PLAGL1: variants seen among roughly 807,000 people sequenced by gnomAD.
PLAGL1 encodes the protein zinc finger protein PLAGL1.
A neutral mutation model predicts 4.6 loss-of-function variants in PLAGL1; 1 was observed. That is an observed-to-expected ratio of 0.22 (90% CI 0.08 to 1.03). The LOEUF is 1.03. Ranked by LOEUF, PLAGL1 falls within the 50% of genes least tolerant of loss-of-function variation. The pLI is 0.58. For missense variants in PLAGL1, 464 were observed against 570.4 expected (o/e 0.81, Z 1.90); for synonymous variants, 240 against 237.8 (o/e 1.01, Z -0.08).
In PLAGL1 at chr6:143,978,341, C is replaced by G. The variant is rs1412373010; in HGVS notation, c.-544+6794G>C. ...TACAAATTTTGAAGCACTGTTTCAG[C>G]TGTATCCCACATGGTTTCATAAACT... On this transcript the variant is annotated intron_variant, in intron 2 of 7. Transcript: ENST00000674357. The surrounding 1 kb of genome is among the most constrained non-coding windows in gnomAD (Gnocchi z 4.6). Among the ~76,000 whole-genome samples the G allele has an allele frequency of 1.3e-5, 2 of 152,116 alleles. No homozygotes were observed. Among genetic ancestry groups the G allele is most frequent in the Non-Finnish European group, 2.9e-5 (2 of 67,994 alleles).
chr6:144,007,133 A>T (rs776174915), intron 1 of PLAGL1: 1 of 152,264 alleles, frequency 6.6e-6, no homozygotes, highest in Non-Finnish European at 1.5e-5. Flanking sequence ...ATCTAAGCGC[A>T]TATAAATTTA....
intron 2 of PLAGL1, among the ~76,000 whole-genome samples, chr6:143,981,252 TGGGGGTGGGGTGGG>T (rs1787877027): frequency 5.0e-5 from 1 of 20,104 alleles, no homozygotes; most frequent in African/African-American, 2.0e-4. Flanking sequence ...CTCTGAATGG[TGGGGGTGGGGTGGG>T]GGGGACACAC....
Position 144,005,185 on chromosome 6 carries a change from T to C in PLAGL1, c.-584+2905A>G, listed in dbSNP as rs1793898318. Reference sequence around the variant, plus strand: ...CACGTATGCTAACTACAGTGCAAATTAGAAATCAGTAACAAAAGGATAACT... The same window carrying C: ...CACGTATGCTAACTACAGTGCAAATCAGAAATCAGTAACAAAAGGATAACT... On this transcript the variant is annotated intron_variant, in intron 1 of 7. Transcript: ENST00000674357. This position sits in a 1 kb window ranked among gnomAD's most constrained non-coding sequence, Gnocchi z 4.6. The C allele has an allele frequency of 6.6e-6, 1 of 152,124 alleles. No homozygotes were observed. The allele number at this position is 152,124 out of a possible 1,614,324, so 9.4% of individuals were successfully genotyped here.
At position 144,016,506 on chromosome 6, in the gene PLAGL1, T is replaced by C. The variant is rs755969846; in HGVS notation, c.-150-47528A>G. On this transcript the variant is annotated intron_variant, in intron 1 of 3. Coordinates refer to the PLAGL1 transcript ENST00000437412. This position sits in a 1 kb window ranked among gnomAD's most constrained non-coding sequence, Gnocchi z 4.2. ...TCAATCCAATCAAGGTGACAGTCAG[T>C]ATTAACCATCATAATATGTAAACGA... Among the ~76,000 whole-genome samples the C allele has an allele frequency of 4.6e-5, 7 of 152,224 alleles. No homozygotes were observed. The highest frequency in any genetic ancestry group is 1.0e-4 in the Non-Finnish European group (7 of 68,036).
rs369453748 is a variant in PLAGL1 at position 143,942,043 on chromosome 6, G to C, written c.773C>G (p.Ala258Gly). The change falls in exon 8 of 8, where the codon GCT (alanine) becomes GGT (glycine). Residue 258 changes from alanine to glycine, a missense_variant. By Grantham distance (60) the Ala-to-Gly change is moderately conservative. Coordinates refer to ENST00000674357, the MANE Select transcript of PLAGL1 (RefSeq NM_001317162.2). This position sits in a 1 kb window ranked among gnomAD's most constrained non-coding sequence, Gnocchi z 7.6. Reference sequence around the variant, plus strand: ...ACTGAGGGTGAGGCTATGGACCTCAGCTGGCAAGCTACTTGCAAGCCCGTT... The same window carrying C: ...ACTGAGGGTGAGGCTATGGACCTCACCTGGCAAGCTACTTGCAAGCCCGTT... The part of the protein sequence containing the change: ...AQNGLASSLP[A>G]EVHSLTLSPP... 4 of 1,607,674 alleles carry C rather than the reference G, an allele frequency of 2.5e-6. No homozygotes were observed. The highest frequency in any genetic ancestry group is 3.4e-6 in the Non-Finnish European group (4 of 1,176,814).
At chr6:144,045,719 A>G (rs1009498416) in intron 1 of PLAGL1, among the ~76,000 whole-genome samples, 1 of 151,988 alleles carries the variant, frequency 6.6e-6, no homozygotes, top group South Asian at 2.1e-4. Context: ...TATTTCCTGA[A>G]TTTGAATGTT....
chr6:144,013,023 A>G (rs1035665709), upstream of PLAGL1, among the ~76,000 whole-genome samples: 3 of 152,244 alleles, frequency 2.0e-5, no homozygotes, highest in African/African-American at 7.2e-5. The surrounding 1 kb of genome is among the most constrained non-coding windows in gnomAD (Gnocchi z 4.4). Context: ...CAGAGGCCAC[A>G]TGAAGTATTT....
rs1193751124 is a variant in PLAGL1, at chr6:143,972,479, AT to A, written c.-543-3502del. 6.6e-6 allele frequency among the ~76,000 whole-genome samples: 1 copy of A among 152,212 alleles called. No homozygotes were observed. Among genetic ancestry groups the A allele is most frequent in the Non-Finnish European group, 1.5e-5 (1 of 68,024 alleles). On this transcript the variant is annotated intron_variant, in intron 2 of 7. Coordinates refer to ENST00000674357, the MANE Select transcript of PLAGL1 (RefSeq NM_001317162.2). This position sits in a 1 kb window ranked among gnomAD's most constrained non-coding sequence, Gnocchi z 6.8. ...TTTAGTGTGTTCTAAAAAGGTGGTA[AT>A]TTTAAGATTTATCAACTATTATAAT... is the stretch of plus-strand genomic sequence containing the variant.
intron 1 of PLAGL1, among the ~76,000 whole-genome samples, chr6:144,043,636 C>CT (rs903895460): frequency 2.6e-4 from 40 of 151,244 alleles, no homozygotes; most frequent in South Asian, 1.9e-3. Flanking sequence ...CTAAAATTCT[C>CT]TTTTTTTTTG....
Position 143,971,168 on chromosome 6 carries a change from T to C in PLAGL1, c.-543-2190A>G, listed in dbSNP as rs1785348599. ...CAATGATCAAAGTCATGGTAATTTT[T>C]CTGTTTCATGAGAAATCTAAAATCT... On this transcript the variant is annotated intron_variant, in intron 2 of 7. Transcript: ENST00000674357. This position sits in a 1 kb window ranked among gnomAD's most constrained non-coding sequence, Gnocchi z 4.7. 6.6e-6 allele frequency among the ~76,000 whole-genome samples: 1 copy of C among 152,132 alleles called. No individual in the cohort carries two copies. The highest frequency in any genetic ancestry group is 2.4e-5 in the African/African-American group (1 of 41,432).
In PLAGL1 at chr6:143,940,629, T is replaced by A. The variant is rs960987070; in HGVS notation, c.*795A>T. 1.3e-5 allele frequency: 2 copies of A among 152,440 alleles called. No homozygotes were observed. The highest frequency in any genetic ancestry group is 4.8e-5 in the African/African-American group (2 of 41,432). 9.4% of individuals were successfully genotyped at this position (152,440 alleles called of 1,614,324 possible). A position where few individuals can be genotyped will look rare whatever the true frequency, so the allele number is the denominator to read the frequency against. Reference sequence around the variant, plus strand: ...TATATATTTTTAATTCCAGTAATATTTTCTTAAATTCCTGTTAAAAATATA... The same window carrying A: ...TATATATTTTTAATTCCAGTAATATATTCTTAAATTCCTGTTAAAAATATA... On this transcript the variant is annotated 3_prime_UTR_variant, in exon 8 of 8. Transcript: ENST00000674357.
At chr6:143,998,791 G>A (rs1192383943) in intron 1 of PLAGL1, among the ~76,000 whole-genome samples, 1 of 152,074 alleles carries the variant, frequency 6.6e-6, no homozygotes. Context: ...AACATTTAAG[G>A]CAGGGGAAAT....
chr6:143,954,746 A>G lies in PLAGL1; in HGVS notation c.-325+5723T>C, dbSNP rs1781771593. ...ATGGATAATACGATACAGTAAGACA[A>G]TAAACTAATGAAAGGCATAAAATTG... is the stretch of plus-strand genomic sequence containing the variant. On this transcript the variant is annotated intron_variant, in intron 6 of 7. Coordinates refer to ENST00000674357, the MANE Select transcript of PLAGL1 (RefSeq NM_001317162.2). This position sits in a 1 kb window ranked among gnomAD's most constrained non-coding sequence, Gnocchi z 5.1. Among the ~76,000 whole-genome samples, 1 of 152,252 alleles carries G rather than the reference A, an allele frequency of 6.6e-6. No individual in the cohort carries two copies. Among genetic ancestry groups the G allele is most frequent in the South Asian group, 2.1e-4 (1 of 4,836 alleles).
chr6:144,062,495 A>C (rs1014884252), intron 1 of PLAGL1, among the ~76,000 whole-genome samples: 15 of 131,024 alleles, frequency 1.1e-4, no homozygotes, highest in Non-Finnish European at 2.4e-4. Flanking sequence ...AAAAAAAAAA[A>C]CACAGATTTG....
At position 143,959,293 on chromosome 6, in the gene PLAGL1, A is replaced by T. The variant is rs3819810; in HGVS notation, c.-325+1176T>A. On this transcript the variant is annotated intron_variant, in intron 6 of 7. Transcript: ENST00000674357. This position sits in a 1 kb window ranked among gnomAD's most constrained non-coding sequence, Gnocchi z 5.3. ...AGACAAGGCCTGCTGTGTTAGCCAC[A>T]CCCCACCTGTTCGCAGCCCATGGAC... Among the ~76,000 whole-genome samples, 6 of 151,988 alleles carry T rather than the reference A, an allele frequency of 3.9e-5. No individual in the cohort carries two copies. In the South Asian group the frequency reaches 1.0e-3, roughly 26 times the overall value.
rs1204793547 is a variant in PLAGL1, at chr6:144,048,348, G to A, written c.-151+16120C>T. On this transcript the variant is annotated intron_variant, in intron 1 of 3. Transcript: ENST00000437412. This position sits in a 1 kb window ranked among gnomAD's most constrained non-coding sequence, Gnocchi z 4.8. ...CTCCATTAGGCAGTGCCCCAGTGGG[G>A]ACTCTGTGTGGGGGCTCCAACCCCA... is the stretch of plus-strand genomic sequence containing the variant. 6.6e-6 allele frequency among the ~76,000 whole-genome samples: 1 copy of A among 152,186 alleles called. No homozygotes were observed. The highest frequency in any genetic ancestry group is 2.4e-5 in the African/African-American group (1 of 41,454).
chr6:143,997,761 T>C lies in PLAGL1; in HGVS notation c.-584+10329A>G, dbSNP rs372091945. ...ATGGACATCAGAAGAGTGTGATCCATAGGGGAGGTGTTGACCAGGAGGTAA... is the reference window on the plus strand; with the variant it reads ...ATGGACATCAGAAGAGTGTGATCCACAGGGGAGGTGTTGACCAGGAGGTAA... On this transcript the variant is annotated intron_variant, in intron 1 of 7. Coordinates refer to ENST00000674357, the MANE Select transcript of PLAGL1 (RefSeq NM_001317162.2). The surrounding 1 kb of genome is among the most constrained non-coding windows in gnomAD (Gnocchi z 4.6). Among the ~76,000 whole-genome samples the C allele has an allele frequency of 3.9e-5, 6 of 151,956 alleles. No homozygotes were observed. The highest frequency in any genetic ancestry group is 1.2e-4 in the African/African-American group (5 of 41,328).
intron 1 of PLAGL1, among the ~76,000 whole-genome samples, chr6:144,052,764 G>C (rs1455924415): frequency 2.0e-5 from 3 of 152,126 alleles, no homozygotes; most frequent in Non-Finnish European, 4.4e-5. Context: ...GGGGGTTGTG[G>C]AGGGACTGAT....
intron 2 of PLAGL1, among the ~76,000 whole-genome samples, chr6:143,976,848 AGTT>A: frequency 6.6e-6 from 1 of 151,882 alleles, no homozygotes; most frequent in East Asian, 1.9e-4. Context: ...ATCTCTGATG[AGTT>A]ATTAATTTGA....
Sources: gnomAD v4.1 joint callset for allele counts (sites outside exome capture counted in the v4.1 genomes callset) on GRCh38, gnomAD v4.1.1 for gene constraint, Gnocchi (gnomAD v3.1) non-coding constraint, MANE v1.5 for transcripts, NCBI Gene and HGNC (gene_info 2026-07-23, HGNC 2026-07-21) for gene names.